METTL8: variants seen among roughly 807,000 people sequenced by gnomAD.
The protein encoded by METTL8 is tRNA N(3)-cytidine methyltransferase METTL8, mitochondrial.
METTL8 carries 32 observed loss-of-function variants against 48.7 expected under a neutral mutation model. That is an observed-to-expected ratio of 0.66 (90% CI 0.50 to 0.88). METTL8 has a LOEUF of 0.88. Among genes scored for constraint, METTL8 ranks in the 40% least tolerant of loss-of-function variants. METTL8 has a pLI of 0.00. For synonymous variants in METTL8, 136 were observed against 157.1 expected (o/e 0.87, Z 1.01); for missense variants, 464 against 474.4 (o/e 0.98, Z 0.20).
At chr2:171,380,817 T>C (rs1306153392) in intron 2 of METTL8, among the ~76,000 whole-genome samples, 2 of 152,180 alleles carry the variant, frequency 1.3e-5, no homozygotes, top group Admixed American at 6.5e-5. Flanking sequence ...AAAATGCCCA[T>C]ACTGCCCAAA....
intron 7 of METTL8, among the ~76,000 whole-genome samples, chr2:171,329,719 T>C (rs1685325767): frequency 6.6e-6 from 1 of 152,218 alleles, no homozygotes; most frequent in Non-Finnish European, 1.5e-5. Flanking sequence ...GGCCTTTTAA[T>C]TGCAAAGAAA....
At chr2:171,418,097 C>T (rs1295369992) in intron 1 of METTL8, among the ~76,000 whole-genome samples, 1 of 152,120 alleles carries the variant, frequency 6.6e-6, no homozygotes, top group African/African-American at 2.4e-5. Flanking sequence ...GTGCCCGCCA[C>T]CATGCCCGGC....
chr2:171,390,117 T>C (rs530150784), intron 2 of METTL8, among the ~76,000 whole-genome samples: 4 of 152,288 alleles, frequency 2.6e-5, no homozygotes, highest in African/African-American at 7.2e-5. Context: ...GAATCTACTC[T>C]GCCTATACTC....
Position 171,430,228 on chromosome 2 carries a change from T to C in METTL8, c.-13+3655A>G, listed in dbSNP as rs112497324. Among the ~76,000 whole-genome samples, 502 of 151,588 alleles carry C rather than the reference T, an allele frequency of 3.3e-3. 1 individual carries two copies. The highest frequency in any genetic ancestry group is 0.011 in the African/African-American group (460 of 41,276). ...TTAAAATTAGCCAGGGATGGTGGTG[T>C]GCGCCTGTAATGCCAGCAACTGGGG... On this transcript the variant is annotated intron_variant, in intron 1 of 9. Transcript: ENST00000375258.
intron 3 of METTL8, among the ~76,000 whole-genome samples, chr2:171,343,847 G>C (rs1240650825): frequency 1.3e-5 from 2 of 152,126 alleles, no homozygotes; most frequent in African/African-American, 4.8e-5. Flanking sequence ...CAAAATCTTG[G>C]ATCAGATTGC....
intron 1 of METTL8, among the ~76,000 whole-genome samples, chr2:171,430,018 C>G (rs1692825107): frequency 6.7e-6 from 1 of 149,416 alleles, no homozygotes; most frequent in Non-Finnish European, 1.5e-5. Flanking sequence ...CCAGCCTGGG[C>G]AACAAGAGCA....
intron 1 of METTL8, among the ~76,000 whole-genome samples, chr2:171,421,851 C>T (rs766750193): frequency 4.6e-5 from 7 of 152,082 alleles, no homozygotes; most frequent in Non-Finnish European, 7.4e-5. Context: ...CCCTAGTATA[C>T]TGAGGAAAGA....
chr2:171,432,794 A>G (rs918719727), intron 1 of METTL8, among the ~76,000 whole-genome samples: 4 of 152,220 alleles, frequency 2.6e-5, no homozygotes, highest in African/African-American at 7.2e-5. Flanking sequence ...AATGTCATCA[A>G]CAGATTTTTG....
intron 1 of METTL8, among the ~76,000 whole-genome samples, chr2:171,427,806 C>T (rs987092464): frequency 6.6e-6 from 1 of 152,142 alleles, no homozygotes; most frequent in African/African-American, 2.4e-5. Context: ...TATCTCCTCC[C>T]ACCTGTAGGG....
chr2:171,425,920 A>G (rs1469349375), intron 1 of METTL8, among the ~76,000 whole-genome samples: 1 of 152,178 alleles, frequency 6.6e-6, no homozygotes, highest in African/African-American at 2.4e-5. Context: ...GCACTTTAGG[A>G]GGCTGAGGCA....
intron 3 of METTL8, among the ~76,000 whole-genome samples, chr2:171,358,986 A>T (rs1684872307): frequency 6.6e-6 from 1 of 151,996 alleles, no homozygotes; most frequent in Admixed American, 6.6e-5. Context: ...AGAAAAAGAA[A>T]ATCAGATTAA....
chr2:171,327,789 T>G (rs907614447), intron 7 of METTL8, among the ~76,000 whole-genome samples: 2 of 152,256 alleles, frequency 1.3e-5, no homozygotes, highest in Non-Finnish European at 2.9e-5. Flanking sequence ...ATTTTCATAC[T>G]GTGCTTATAT....
chr2:171,415,357 T>C (rs1048159716), intron 1 of METTL8, among the ~76,000 whole-genome samples: 2 of 139,524 alleles, frequency 1.4e-5, no homozygotes, highest in Non-Finnish European at 3.2e-5. Context: ...ATCTTTTTTT[T>C]TTTTTTTTTT....
In METTL8 at chr2:171,323,249, T is replaced by TC. The variant is rs2105379306; in HGVS notation, c.*922_*923insG. ...ACCTTTTTTTTTTTTTTTTTTTTTT[T>TC]TGGAGACAAGGTCTCACCATGTCAC... On this transcript the variant is annotated 3_prime_UTR_variant, in exon 10 of 10. Coordinates refer to ENST00000375258, the MANE Select transcript of METTL8 (RefSeq NM_001321154.2). 1 of 148,344 alleles carries TC rather than the reference T, an allele frequency of 6.7e-6. No homozygotes were observed. Among genetic ancestry groups the TC allele is most frequent in the African/African-American group, 2.5e-5 (1 of 40,054 alleles). 9.2% of individuals were successfully genotyped at this position (148,344 alleles called of 1,614,324 possible).
rs1435031421 is a variant in METTL8, at chr2:171,316,915, C to A, written c.*7257G>T. Among the ~76,000 whole-genome samples, 1 of 152,092 alleles carries A rather than the reference C, an allele frequency of 6.6e-6. No individual in the cohort carries two copies. Among genetic ancestry groups the A allele is most frequent in the Non-Finnish European group, 1.5e-5 (1 of 68,038 alleles). On this transcript the variant is annotated 3_prime_UTR_variant, in exon 10 of 10. Coordinates refer to ENST00000375258, the MANE Select transcript of METTL8 (RefSeq NM_001321154.2). ...TCTCTGCTCACCTGAGGGAGCAGGG[C>A]ACAACTAAAGATGTAAGGAGAGCGA...
rs1684532861 is a variant in METTL8 at position 171,321,773 on chromosome 2, T to C, written c.*2399A>G. On this transcript the variant is annotated 3_prime_UTR_variant, in exon 10 of 10. Coordinates refer to ENST00000375258, the MANE Select transcript of METTL8 (RefSeq NM_001321154.2). ...TGTTTTGCCAGCTGTACTCTATTTATGCTCCCTGAAGAGCATAAACAAGGC... is the reference window on the plus strand; with the variant it reads ...TGTTTTGCCAGCTGTACTCTATTTACGCTCCCTGAAGAGCATAAACAAGGC... 6.6e-6 allele frequency: 1 copy of C among 152,194 alleles called. No homozygotes were observed. Among genetic ancestry groups the C allele is most frequent in the South Asian group, 2.1e-4 (1 of 4,834 alleles). 9.4% of individuals were successfully genotyped at this position (152,194 alleles called of 1,614,324 possible). A position where few individuals can be genotyped will look rare whatever the true frequency, so the allele number is the denominator to read the frequency against.
chr2:171,374,173 G>A (rs1158820966), intron 2 of METTL8, among the ~76,000 whole-genome samples: 1 of 152,022 alleles, frequency 6.6e-6, no homozygotes, highest in African/African-American at 2.4e-5. Flanking sequence ...CGCATCCCTT[G>A]TAAGTTGGAT....
At chr2:171,340,967 G>T (rs1354296596) in intron 3 of METTL8, among the ~76,000 whole-genome samples, 1 of 152,176 alleles carries the variant, frequency 6.6e-6, no homozygotes, top group Non-Finnish European at 1.5e-5. Flanking sequence ...TGTGGTCAGG[G>T]TTAGGTCAAT....
At chr2:171,430,401 G>C (rs1180654931) in intron 1 of METTL8, among the ~76,000 whole-genome samples, 5 of 152,062 alleles carry the variant, frequency 3.3e-5, no homozygotes, top group African/African-American at 1.2e-4. Flanking sequence ...CTAGGGGCTA[G>C]GGGAGGGATA....
Sources: allele counts gnomAD v4.1 joint callset (sites outside exome capture counted in the v4.1 genomes callset), GRCh38; gene constraint gnomAD v4.1.1; transcripts MANE v1.5; gene names NCBI Gene and HGNC (gene_info 2026-07-23, HGNC 2026-07-21).